Variants in ITIH5 observed in about 807,000 individuals in gnomAD.
ITIH5 encodes inter-alpha-trypsin inhibitor heavy chain 5, also known as inter-alpha-trypsin inhibitor heavy chain H5.
A neutral mutation model predicts 77.5 loss-of-function variants in ITIH5; 65 were observed. That is an observed-to-expected ratio of 0.84 (90% CI 0.69 to 1.03). The LOEUF (loss-of-function observed/expected upper bound fraction) is 1.03. Among genes scored for constraint, ITIH5 ranks in the 50% least tolerant of loss-of-function variants. The pLI, the probability that ITIH5 is intolerant of heterozygous loss-of-function variation, is 0.00. For synonymous variants in ITIH5, 525 were observed against 494.3 expected (o/e 1.06, Z -0.82); for missense variants, 1,208 against 1,213.1 (o/e 1.00, Z 0.06).
In ITIH5 at chr10:7,560,133, A is replaced by G; in HGVS notation, c.*2950T>C. On this transcript the variant is annotated 3_prime_UTR_variant, in exon 14 of 14. Coordinates refer to ENST00000397146, the MANE Select transcript of ITIH5 (RefSeq NM_030569.7). ...CCAAAATGTTGGGATTACAGGTGTG[A>G]GCCACTGCACCTGGCCCCATGTCTC... 1 of 246,404 alleles carries G rather than the reference A, an allele frequency of 4.1e-6. No homozygotes were observed. The allele number at this position is 246,404 out of a possible 1,614,324, so 15.3% of individuals were successfully genotyped here. A position where few individuals can be genotyped will look rare whatever the true frequency, so the allele number is the denominator to read the frequency against.
At chr10:7,611,239 G>C (rs1207701607) in intron 7 of ITIH5, among the ~76,000 whole-genome samples, 1 of 152,140 alleles carries the variant, frequency 6.6e-6, no homozygotes, top group Non-Finnish European at 1.5e-5. Context: ...AGTAAAATGG[G>C]GATGACAACT....
In ITIH5 at chr10:7,563,353, T is replaced by C. The variant is rs778436441; in HGVS notation, c.2559A>G (p.Thr853=). ...GQFLNQDARL[T]EDPAGPSQNL... ...TCTGGCTGGGCCCTGCAGGGTCTTCTGTGAGTCTGGCATCCTGATTCAGGA... is the reference window on the plus strand; with the variant it reads ...TCTGGCTGGGCCCTGCAGGGTCTTCCGTGAGTCTGGCATCCTGATTCAGGA... The change falls in exon 14 of 14, where the codon ACA becomes ACG. Residue 853 remains threonine, a synonymous_variant. Coordinates refer to ENST00000397146, the MANE Select transcript of ITIH5 (RefSeq NM_030569.7). The C allele has an allele frequency of 3.7e-6, 6 of 1,613,576 alleles. No homozygotes were observed. The Admixed American group carries it at 1.0e-4, about 27-fold the overall frequency.
chr10:7,576,467 G>A lies in ITIH5; in HGVS notation c.1964C>T (p.Ala655Val). The A allele has an allele frequency of 1.3e-6, 2 of 1,593,672 alleles. No individual in the cohort carries two copies. The highest frequency in any genetic ancestry group is 1.7e-4 in the Middle Eastern group (1 of 5,788). The change falls in exon 10 of 14, where the codon GCT becomes GTT. Residue 655 changes from alanine (A) to valine (V), a missense_variant. Ala to Val is a moderately conservative substitution (Grantham distance 64, BLOSUM62 0). Transcript: ENST00000397146. Reference protein sequence around the residue: ...PEPVVQSVRGAGTQPGPLLKK... With the variant: ...PEPVVQSVRGVGTQPGPLLKK... ...GTGCCTCGTACCTGGCTGCGTGCCA[G>A]CTCCTCGCACGCTCTGCACCACCGG...
intron 7 of ITIH5, among the ~76,000 whole-genome samples, chr10:7,610,483 A>G (rs1369657952): frequency 1.3e-5 from 2 of 152,256 alleles, no homozygotes; most frequent in African/African-American, 4.8e-5. Flanking sequence ...CAATAAATGC[A>G]GCAAGGTCTT....
chr10:7,662,342 G>A (rs997659042), intron 1 of ITIH5, among the ~76,000 whole-genome samples: 5 of 151,342 alleles, frequency 3.3e-5, no homozygotes, highest in African/African-American at 1.2e-4. Context: ...GGGCAACAGA[G>A]TGAGACTGTC....
chr10:7,588,659 T>A (rs1453695490), intron 7 of ITIH5, among the ~76,000 whole-genome samples: 1 of 152,244 alleles, frequency 6.6e-6, no homozygotes, highest in Non-Finnish European at 1.5e-5. Context: ...TTCCCAGCAC[T>A]TCTTCATTCC....
intron 7 of ITIH5, among the ~76,000 whole-genome samples, chr10:7,591,775 C>T (rs182272101): frequency 6.6e-6 from 1 of 152,354 alleles, no homozygotes; most frequent in African/African-American, 2.4e-5. Flanking sequence ...CGTTGATATA[C>T]AGAACATCCT....
At chr10:7,640,167 A>AAAAAC (rs1833860956) in intron 4 of ITIH5, among the ~76,000 whole-genome samples, 1 of 150,536 alleles carries the variant, frequency 6.6e-6, no homozygotes, top group Admixed American at 6.6e-5. Context: ...AAAAAAAAAA[A>AAAAAC]AAAACTACGT....
chr10:7,644,164 G>T (rs1470737655), intron 2 of ITIH5, among the ~76,000 whole-genome samples: 1 of 151,894 alleles, frequency 6.6e-6, no homozygotes, highest in African/African-American at 2.4e-5. Context: ...CTTGAAGCAG[G>T]GAGGCAAATA....
chr10:7,639,685 A>G (rs1407483577), intron 4 of ITIH5, among the ~76,000 whole-genome samples: 2 of 152,212 alleles, frequency 1.3e-5, no homozygotes, highest in Non-Finnish European at 2.9e-5. Context: ...GGTGAAGAGG[A>G]AAAAATAATC....
intron 11 of ITIH5, among the ~76,000 whole-genome samples, chr10:7,570,784 G>A (rs1832281131): frequency 6.6e-6 from 1 of 151,916 alleles, no homozygotes. Context: ...CACCATGCCA[G>A]GCTAATTTTT....
chr10:7,576,141 CA>C (rs1186072367), intron 10 of ITIH5, among the ~76,000 whole-genome samples: 1 of 152,160 alleles, frequency 6.6e-6, no homozygotes, highest in Non-Finnish European at 1.5e-5. Flanking sequence ...CCTCCTTCCT[CA>C]GCCTCCTGAG....
chr10:7,646,737 G>A (rs1455882547), intron 2 of ITIH5, among the ~76,000 whole-genome samples: 1 of 152,076 alleles, frequency 6.6e-6, no homozygotes, highest in Non-Finnish European at 1.5e-5. Flanking sequence ...CTTCCAAATG[G>A]GCAAGTGTAG....
In ITIH5 at chr10:7,560,014, G is replaced by C; in HGVS notation, c.*3069C>G. The C allele has an allele frequency of 2.9e-6, 1 of 343,930 alleles. No individual in the cohort carries two copies. The highest frequency in any genetic ancestry group is 2.4e-5 in the South Asian group (1 of 42,240). The allele number at this position is 343,930 out of a possible 1,614,324, so 21.3% of individuals were successfully genotyped here. ...CTACAGGCACGCACCACCACGCCCA[G>C]CTAATTTTTGTATTTTTAGTAGAGA... On this transcript the variant is annotated 3_prime_UTR_variant, in exon 14 of 14. Coordinates refer to ENST00000397146, the MANE Select transcript of ITIH5 (RefSeq NM_030569.7).
rs752092484 is a variant in ITIH5 at position 7,634,088 on chromosome 10, C to CAA, written c.652+3138_652+3139dup. On this transcript the variant is annotated intron_variant, in intron 5 of 13. Transcript: ENST00000397146. ...TGGGCGACAGAGCAAGACTCCGTCT[C>CAA]AAAAAAAAAAAAAAAAAAAAAGGAA... Among the ~76,000 whole-genome samples, 296 of 59,674 alleles carry CAA rather than the reference C, an allele frequency of 5.0e-3. 3 individuals are homozygous for CAA. Among genetic ancestry groups the CAA allele is most frequent in the African/African-American group, 9.1e-3 (132 of 14,562 alleles). 39.1% of individuals were successfully genotyped at this position (59,674 alleles called of 152,430 possible).
At chr10:7,629,256 G>A (rs1268876629) in intron 5 of ITIH5, among the ~76,000 whole-genome samples, 3 of 127,366 alleles carry the variant, frequency 2.4e-5, no homozygotes, top group African/African-American at 9.2e-5. Flanking sequence ...TGTCCATGTT[G>A]TAGCGTGTGT....
chr10:7,576,608 AGGGCCT>A lies in ITIH5; in HGVS notation c.1817_1822del (p.Gln606_Ala607del). On this transcript the variant is annotated inframe_deletion, in exon 10 of 14. Coordinates refer to ENST00000397146, the MANE Select transcript of ITIH5 (RefSeq NM_030569.7). ...AGTGAGGAAGCGGTAGCTCACAGCC[AGGGCCT>A]GGGCCCGCTGCCGCAGCCGCTCCTT... The A allele has an allele frequency of 6.2e-7, 1 of 1,614,118 alleles. No homozygotes were observed. Among genetic ancestry groups the A allele is most frequent in the East Asian group, 2.2e-5 (1 of 44,882 alleles).
intron 3 of ITIH5, among the ~76,000 whole-genome samples, chr10:7,641,112 A>T (rs1325550041): frequency 1.3e-5 from 2 of 152,210 alleles, no homozygotes; most frequent in Non-Finnish European, 2.9e-5. Context: ...ATCTGCTCAC[A>T]CTACCATGAA....
At chr10:7,596,940 G>T (rs552367221) in intron 7 of ITIH5, among the ~76,000 whole-genome samples, 3 of 150,104 alleles carry the variant, frequency 2.0e-5, no homozygotes, top group Non-Finnish European at 4.4e-5. Context: ...CCAGCTACTC[G>T]GGAGGTGAGG....
Sources: gnomAD v4.1 joint callset for allele counts (sites outside exome capture counted in the v4.1 genomes callset) on GRCh38, gnomAD v4.1.1 for gene constraint, MANE v1.5 for transcripts, NCBI Gene and HGNC (gene_info 2026-07-23, HGNC 2026-07-21) for gene names.